The following FAM110B variants were observed in gnomAD, a reference collection of about 807,000 sequenced individuals.
FAM110B encodes protein FAM110B.
FAM110B carries 6 observed loss-of-function variants against 20.4 expected under a neutral mutation model. That is an observed-to-expected ratio of 0.29 (90% confidence interval 0.16 to 0.58). FAM110B has a LOEUF of 0.58. FAM110B is among the 20% of genes least tolerant of loss of function. FAM110B has a pLI of 0.90. For missense variants in FAM110B, 434 were observed against 498.2 expected, an observed-to-expected ratio of 0.87 and a Z score of 1.23; for synonymous variants, 226 against 214.1, an observed-to-expected ratio of 1.06 and a Z score of -0.49.
At chr8:58,013,306 G>C (rs1804576860) in intron 1 of FAM110B, among the ~76,000 whole-genome samples, 1 of 152,218 alleles carries the variant, frequency 6.6e-6, no homozygotes, top group Non-Finnish European at 1.5e-5. Flanking sequence ...GAGTATGAAA[G>C]GGGCAGCTTT....
In FAM110B at chr8:58,114,615, G is replaced by A. The variant is rs76332855; in HGVS notation, c.-324-31292G>A. On this transcript the variant is annotated intron_variant, in intron 3 of 3. Coordinates refer to ENST00000519262, the MANE Select transcript of FAM110B (RefSeq NM_001377989.1). Reference sequence around the variant, plus strand: ...TTAATTACCTGAACAAGTTGGGGAGGATTTAGATATCTCCACTGGCAGCAA... The same window carrying A: ...TTAATTACCTGAACAAGTTGGGGAGAATTTAGATATCTCCACTGGCAGCAA... Among the ~76,000 whole-genome samples the A allele has an allele frequency of 5.3e-3, 813 of 152,230 alleles. 12 individuals are homozygous for A. The highest frequency in any genetic ancestry group is 0.019 in the African/African-American group (778 of 41,532).
intron 3 of FAM110B, among the ~76,000 whole-genome samples, chr8:58,098,195 T>A (rs1806682705): frequency 6.6e-6 from 1 of 152,248 alleles, no homozygotes; most frequent in Non-Finnish European, 1.5e-5. Context: ...GTTTTATCTG[T>A]AAGCCCCTGA....
chr8:58,011,439 CTG>C (rs919673514), intron 1 of FAM110B, among the ~76,000 whole-genome samples: 32 of 152,172 alleles, frequency 2.1e-4, no homozygotes, highest in African/African-American at 7.7e-4. Context: ...CGCAGGAACT[CTG>C]TTTCCTATGG....
In FAM110B at chr8:58,146,045, G is replaced by A. The variant is rs1803854951; in HGVS notation, c.-186G>A. On this transcript the variant is annotated 5_prime_UTR_variant, in exon 4 of 4. It adds an upstream start codon to the 5' untranslated region. Coordinates refer to ENST00000519262, the MANE Select transcript of FAM110B (RefSeq NM_001377989.1). Reference sequence around the variant, plus strand: ...AAGGGCCGCCTGGAAGGGGAGAAAAGTGTATGAAAGCCACCGTGGCGGTTA... The same window carrying A: ...AAGGGCCGCCTGGAAGGGGAGAAAAATGTATGAAAGCCACCGTGGCGGTTA... 2.1e-5 allele frequency: 13 copies of A among 627,152 alleles called. No homozygotes were observed. The highest frequency in any genetic ancestry group is 3.3e-5 in the Admixed American group (1 of 30,408). The allele number at this position is 627,152 out of a possible 1,614,324, so 38.8% of individuals were successfully genotyped here.
intron 3 of FAM110B, among the ~76,000 whole-genome samples, chr8:58,123,002 A>G (rs1471176440): frequency 6.6e-6 from 1 of 152,174 alleles, no homozygotes; most frequent in Non-Finnish European, 1.5e-5. Context: ...GTTTCTTCAG[A>G]GGGAAAAATA....
At chr8:58,027,615 CTG>C (rs1318534857) in intron 1 of FAM110B, among the ~76,000 whole-genome samples, 13 of 152,224 alleles carry the variant, frequency 8.5e-5, no homozygotes, top group Admixed American at 7.9e-4. Flanking sequence ...TTCCCCCACA[CTG>C]TGACTGTGCC....
At chr8:58,028,637 A>T (rs1247603676) in intron 1 of FAM110B, among the ~76,000 whole-genome samples, 1 of 152,208 alleles carries the variant, frequency 6.6e-6, no homozygotes, top group Non-Finnish European at 1.5e-5. Context: ...TAGTGAGTTT[A>T]TAAAAAGAAA....
At chr8:58,131,441 C>T (rs997633761) in intron 3 of FAM110B, among the ~76,000 whole-genome samples, 2 of 152,084 alleles carry the variant, frequency 1.3e-5, no homozygotes, top group South Asian at 2.1e-4. Context: ...CTGTTTTTAC[C>T]ATTGAAAAAT....
chr8:58,065,202 T>C (rs998720368), intron 2 of FAM110B, among the ~76,000 whole-genome samples: 4 of 152,210 alleles, frequency 2.6e-5, no homozygotes, highest in Non-Finnish European at 5.9e-5. Flanking sequence ...GGACAGTAAG[T>C]GCAGAGATGC....
intron 3 of FAM110B, among the ~76,000 whole-genome samples, chr8:58,093,971 G>C (rs1400977451): frequency 1.3e-5 from 2 of 152,136 alleles, no homozygotes; most frequent in Non-Finnish European, 2.9e-5. Context: ...CACAGCCCTT[G>C]TAAGTTGTAT....
intron 2 of FAM110B, 58 bp downstream of exon 2, chr8:58,031,761 T>G (rs964014746): frequency 6.6e-6 from 1 of 152,210 alleles, no homozygotes. Context: ...ATAAAGTAAA[T>G]TTGATCCTTT....
intron 3 of FAM110B, among the ~76,000 whole-genome samples, chr8:58,117,122 G>T (rs1024722539): frequency 1.3e-5 from 2 of 152,082 alleles, no homozygotes; most frequent in Non-Finnish European, 2.9e-5. Context: ...TCCCTTAACC[G>T]GTGTGAGGGA....
chr8:58,002,721 A>G (rs1175298069), intron 1 of FAM110B, among the ~76,000 whole-genome samples: 1 of 152,238 alleles, frequency 6.6e-6, no homozygotes, highest in Non-Finnish European at 1.5e-5. Flanking sequence ...TAAGTGTGCA[A>G]TAGCATTGTC....
At chr8:58,057,781 C>A (rs977017217) in intron 2 of FAM110B, among the ~76,000 whole-genome samples, 16 of 152,232 alleles carry the variant, frequency 1.1e-4, no homozygotes, top group African/African-American at 3.1e-4. Context: ...GTATCTGCTT[C>A]ATGGAATTTT....
intron 3 of FAM110B, among the ~76,000 whole-genome samples, chr8:58,143,300 A>G (rs1803781168): frequency 6.6e-6 from 1 of 152,232 alleles, no homozygotes; most frequent in Admixed American, 6.5e-5. Flanking sequence ...GGGTCTTCCA[A>G]TAAGATGAAG....
At chr8:58,013,621 G>A (rs1040586561) in intron 1 of FAM110B, among the ~76,000 whole-genome samples, 1 of 152,190 alleles carries the variant, frequency 6.6e-6, no homozygotes, top group African/African-American at 2.4e-5. Flanking sequence ...GGGACACAGA[G>A]GGGGAGTCCA....
chr8:58,123,577 A>T (rs1188696203), intron 3 of FAM110B, among the ~76,000 whole-genome samples: 1 of 152,192 alleles, frequency 6.6e-6, no homozygotes, highest in East Asian at 1.9e-4. Context: ...ATTACACATT[A>T]TTTAAATGAT....
intron 3 of FAM110B, among the ~76,000 whole-genome samples, chr8:58,092,133 G>A (rs371763205): frequency 1.1e-3 from 163 of 152,066 alleles, no homozygotes; most frequent in African/African-American, 3.7e-3. Flanking sequence ...TTCAGGCTTG[G>A]TATTACACTC....
intron 3 of FAM110B, among the ~76,000 whole-genome samples, chr8:58,096,801 T>C (rs758462232): frequency 6.6e-6 from 1 of 152,148 alleles, no homozygotes; most frequent in Non-Finnish European, 1.5e-5. Context: ...TTGCTTATGA[T>C]GTTTAGTTTG....
Sources: allele counts gnomAD v4.1 joint callset (sites outside exome capture counted in the v4.1 genomes callset), GRCh38; gene constraint gnomAD v4.1.1; transcripts MANE v1.5; gene names NCBI Gene and HGNC (gene_info 2026-07-23, HGNC 2026-07-21).